Variants in BAZ2B observed in about 807,000 individuals in gnomAD.
BAZ2B encodes the protein bromodomain adjacent to zinc finger domain 2B.
Under a neutral mutation model 246.0 loss-of-function variants are expected in BAZ2B, and 91 were observed. The ratio of observed to expected loss-of-function variants is 0.37; its 90% CI spans 0.31 to 0.44. The LOEUF is 0.44. Among genes scored for constraint, BAZ2B ranks in the 20% least tolerant of loss-of-function variants. BAZ2B has a pLI of 1.00. For synonymous variants in BAZ2B, 855 were observed against 860.0 expected, an observed-to-expected ratio of 0.99 and a Z score of 0.10; for missense variants, 2,332 against 2,533.7, an observed-to-expected ratio of 0.92 and a Z score of 1.71.
intron 28 of BAZ2B, among the ~76,000 whole-genome samples, 177 bp downstream of exon 28, chr2:159,349,531 G>C (rs990422539): frequency 2.0e-5 from 3 of 152,182 alleles, no homozygotes; most frequent in Admixed American, 2.0e-4. Flanking sequence ...CTTAGACAAA[G>C]TCTAGAAATC....
intron 4 of BAZ2B, among the ~76,000 whole-genome samples, chr2:159,450,332 A>T (rs2150415061): frequency 6.6e-6 from 1 of 151,730 alleles, no homozygotes; most frequent in South Asian, 2.1e-4. Context: ...CTGAGATCGC[A>T]CCACTGCATT....
At chr2:159,491,304 C>A (rs184517416) in intron 2 of BAZ2B, among the ~76,000 whole-genome samples, 1 of 152,142 alleles carries the variant, frequency 6.6e-6, no homozygotes, top group Non-Finnish European at 1.5e-5. Flanking sequence ...ATGTGCACTT[C>A]TGATGTTTAA....
chr2:159,416,514 G>A (rs918327041), intron 13 of BAZ2B, among the ~76,000 whole-genome samples: 1 of 152,174 alleles, frequency 6.6e-6, no homozygotes, highest in African/African-American at 2.4e-5. Context: ...GAAGAGAAGA[G>A]TGACTACTAA....
the BAZ2B span, among the ~76,000 whole-genome samples, chr2:159,670,976 C>T: frequency 2.7e-3 from 409 of 152,192 alleles, 2 homozygotes; most frequent in African/African-American, 9.2e-3. Flanking sequence ...TGTTTCCTGA[C>T]GAAAAAATGT....
At chr2:159,711,561 T>A in the BAZ2B span, among the ~76,000 whole-genome samples, 6 of 152,082 alleles carry the variant, frequency 3.9e-5, no homozygotes, top group Non-Finnish European at 8.8e-5. Context: ...AATAGGTCAT[T>A]AAAAAAAATC....
chr2:159,523,272 C>T (rs957697264), intron 2 of BAZ2B, among the ~76,000 whole-genome samples: 3 of 152,052 alleles, frequency 2.0e-5, no homozygotes, highest in Admixed American at 6.6e-5. Context: ...TGTGTTGGCA[C>T]GTACCTGTAG....
chr2:159,592,861 AAT>A (rs1039615153), intron 1 of BAZ2B, among the ~76,000 whole-genome samples: 6 of 152,190 alleles, frequency 3.9e-5, no homozygotes, highest in Non-Finnish European at 7.3e-5. Context: ...TCCAATAACA[AAT>A]ATGTTTTACC....
rs758299421 is a variant in BAZ2B, at chr2:159,404,886, C to T, written c.2795G>A (p.Arg932Gln). The T allele has an allele frequency of 1.4e-5, 23 of 1,613,138 alleles. No individual in the cohort carries two copies. The highest frequency in any genetic ancestry group is 1.4e-5 in the Non-Finnish European group (17 of 1,179,884). ...AATCTTTATCTGTTCTTTTTGCTTC[C>T]GCTTCTCCTCAGCAGCCATTATTGC... ...QQAIMAAEEKRKQKEQIKIMK... is the reference protein window; with the variant it reads ...QQAIMAAEEKQKQKEQIKIMK... The change falls in exon 16 of 37, where the codon CGG (arginine) becomes CAG (glutamine). Residue 932 changes from arginine to glutamine, a missense_variant. By Grantham distance (43) the Arg-to-Gln change is conservative (BLOSUM62 1). Around this residue, in one of 9 missense-constraint regions of BAZ2B, gnomAD observed 651 missense variants for 650.9 expected, o/e 1.00. Transcript: ENST00000392783.
intron 2 of BAZ2B, among the ~76,000 whole-genome samples, chr2:159,551,003 TTTTG>T (rs902627251): frequency 4.6e-5 from 7 of 152,246 alleles, no homozygotes; most frequent in Non-Finnish European, 8.8e-5. Context: ...GCCTAGCTGA[TTTTG>T]TTTATTATTT....
chr2:159,601,256 T>G (rs1220743156), intron 1 of BAZ2B, among the ~76,000 whole-genome samples: 1 of 152,136 alleles, frequency 6.6e-6, no homozygotes, highest in Non-Finnish European at 1.5e-5. Context: ...TCAACAACAC[T>G]GAGGTAAACA....
At chr2:159,324,717 G>A (rs1386410905) in intron 36 of BAZ2B, 94 bp downstream of exon 36, 2 of 705,210 alleles carry the variant, frequency 2.8e-6, no homozygotes, top group East Asian at 4.2e-5. Flanking sequence ...CCTATATCTT[G>A]CTGTTAATTA....
At chr2:159,677,718 T>C in the BAZ2B span, among the ~76,000 whole-genome samples, 3 of 152,332 alleles carry the variant, frequency 2.0e-5, no homozygotes, top group East Asian at 1.9e-4. Flanking sequence ...TATTTGAGCA[T>C]AGAGGACTTC....
chr2:159,349,690 A>G lies in BAZ2B; in HGVS notation c.4863+18T>C. ...ACATAAAGCAATATAAAAATGAGTT[A>G]CAGTTAGCAGTACTAACCTGAAGAG... On this transcript the variant is annotated intron_variant, in intron 28 of 36. Coordinates refer to ENST00000392783, the MANE Select transcript of BAZ2B (RefSeq NM_013450.4). 5 of 1,582,024 alleles carry G rather than the reference A, an allele frequency of 3.2e-6. No individual in the cohort carries two copies. Among genetic ancestry groups the G allele is most frequent in the Non-Finnish European group, 4.3e-6 (5 of 1,162,740 alleles).
chr2:159,316,946 A>C (rs1266543839), downstream of BAZ2B, among the ~76,000 whole-genome samples: 1 of 151,996 alleles, frequency 6.6e-6, no homozygotes, highest in Non-Finnish European at 1.5e-5. Context: ...GGTTGCAGTG[A>C]GCTGTGATCA....
chr2:159,445,359 G>A (rs1047494255), intron 6 of BAZ2B, among the ~76,000 whole-genome samples: 3 of 152,188 alleles, frequency 2.0e-5, no homozygotes, highest in Non-Finnish European at 4.4e-5. Flanking sequence ...GAGATGTAGG[G>A]AATATGTACT....
upstream of BAZ2B, among the ~76,000 whole-genome samples, chr2:159,619,673 T>A (rs1262654904): frequency 2.0e-5 from 3 of 151,826 alleles, no homozygotes; most frequent in Non-Finnish European, 4.4e-5. Flanking sequence ...TAAAAAAAAA[T>A]GATTTCCTAG....
intron 1 of BAZ2B, among the ~76,000 whole-genome samples, chr2:159,608,230 C>T (rs935372410): frequency 1.2e-4 from 19 of 152,202 alleles, no homozygotes; most frequent in Admixed American, 3.9e-4. Context: ...AAAAATTAGC[C>T]AGGCATGGCA....
chr2:159,558,415 C>A (rs1017449988), intron 1 of BAZ2B, among the ~76,000 whole-genome samples: 3 of 152,110 alleles, frequency 2.0e-5, no homozygotes, highest in African/African-American at 7.2e-5. Flanking sequence ...CGCCACCATG[C>A]CTGGCTAATT....
upstream of BAZ2B, among the ~76,000 whole-genome samples, chr2:159,620,170 G>C (rs1696373460): frequency 6.6e-6 from 1 of 152,186 alleles, no homozygotes; most frequent in Non-Finnish European, 1.5e-5. Context: ...GGGTATTGTA[G>C]ATGGTTCCTC....
Sources: allele counts gnomAD v4.1 joint callset (sites outside exome capture counted in the v4.1 genomes callset), GRCh38; gene constraint gnomAD v4.1.1; regional missense constraint gnomAD v4.1.1; transcripts MANE v1.5; gene names NCBI Gene and HGNC (gene_info 2026-07-23, HGNC 2026-07-21).